Variants in LOC128462377 observed in about 807,000 individuals in gnomAD.
At chr16:89,334,172 A>AAAGAG in the LOC128462377 span, among the ~76,000 whole-genome samples, 10 of 148,974 alleles carry the variant, frequency 6.7e-5, no homozygotes, top group African/African-American at 2.5e-4. Flanking sequence ...AAAAAAAAAA[A>AAAGAG]ACAGAGAGAG....
chr16:89,404,876 ACT>A, the LOC128462377 span, among the ~76,000 whole-genome samples: 6 of 152,108 alleles, frequency 3.9e-5, no homozygotes, highest in African/African-American at 1.4e-4. Context: ...CACACTATTG[ACT>A]CTTGCTTGGT....
At chr16:89,406,384 C>G in the LOC128462377 span, among the ~76,000 whole-genome samples, 1 of 152,146 alleles carries the variant, frequency 6.6e-6, no homozygotes, top group Non-Finnish European at 1.5e-5. Context: ...CTGAGGGCGA[C>G]AAAACACCAG....
At chr16:89,377,910 T>C in the LOC128462377 span, among the ~76,000 whole-genome samples, 4 of 151,332 alleles carry the variant, frequency 2.6e-5, no homozygotes, top group African/African-American at 4.9e-5. Flanking sequence ...TTCTACTCAA[T>C]GAAATGATGA....
chr16:89,337,024 A>G, the LOC128462377 span, among the ~76,000 whole-genome samples: 27 of 145,398 alleles, frequency 1.9e-4, 1 homozygote, highest in African/African-American at 6.6e-4. Flanking sequence ...AAAAAAAAAA[A>G]AAAAAAAAAA....
chr16:89,374,104 A>G, the LOC128462377 span, among the ~76,000 whole-genome samples: 1 of 152,214 alleles, frequency 6.6e-6, no homozygotes, highest in South Asian at 2.1e-4. Context: ...AAAATGATCA[A>G]TAGTTTTACT....
the LOC128462377 span, among the ~76,000 whole-genome samples, chr16:89,319,445 G>A: frequency 2.6e-5 from 4 of 152,344 alleles, no homozygotes; most frequent in Admixed American, 6.5e-5. Context: ...CCGGGGACTC[G>A]GGAGTGTTGT....
chr16:89,334,317 C>T, the LOC128462377 span, among the ~76,000 whole-genome samples: 16 of 152,142 alleles, frequency 1.1e-4, no homozygotes, highest in East Asian at 1.9e-3. Context: ...ACTGCCAATA[C>T]GGCCAAGTTT....
chr16:89,370,051 C>T, the LOC128462377 span, among the ~76,000 whole-genome samples: 1 of 152,358 alleles, frequency 6.6e-6, no homozygotes, highest in South Asian at 2.1e-4. Context: ...AGAACGCAAA[C>T]CTTCTGGCTT....
the LOC128462377 span, among the ~76,000 whole-genome samples, chr16:89,334,162 A>AC: frequency 7.6e-4 from 108 of 142,920 alleles, 5 homozygotes; most frequent in Middle Eastern, 3.8e-3. Context: ...AAAAAAAAAA[A>AC]AAAAAAAAAA....
chr16:89,361,319 C>T, the LOC128462377 span, among the ~76,000 whole-genome samples: 2 of 152,224 alleles, frequency 1.3e-5, no homozygotes, highest in African/African-American at 4.8e-5. Flanking sequence ...AGAACCATCA[C>T]AGCGCCGGGG....
chr16:89,342,159 C>T, the LOC128462377 span, among the ~76,000 whole-genome samples: 2 of 152,246 alleles, frequency 1.3e-5, no homozygotes, highest in Admixed American at 1.3e-4. Context: ...TAGATCTTGG[C>T]GTCTGGGCCT....
chr16:89,369,127 G>A, the LOC128462377 span, among the ~76,000 whole-genome samples: 1 of 152,044 alleles, frequency 6.6e-6, no homozygotes, highest in Non-Finnish European at 1.5e-5. Context: ...ATCTACCCTA[G>A]AAAGGACCAA....
the LOC128462377 span, among the ~76,000 whole-genome samples, chr16:89,329,627 G>C: frequency 5.1e-5 from 5 of 97,414 alleles, no homozygotes; most frequent in Admixed American, 2.1e-4. Flanking sequence ...AAGGAATAAA[G>C]TAAAAAAACA....
the LOC128462377 span, among the ~76,000 whole-genome samples, chr16:89,325,465 TCTCTCACACA>T: frequency 7.2e-6 from 1 of 139,346 alleles, no homozygotes; most frequent in African/African-American, 3.0e-5. Context: ...TCTCTCTCTC[TCTCTCACACA>T]CACACACACA....
At chr16:89,333,896 T>G in the LOC128462377 span, among the ~76,000 whole-genome samples, 2 of 152,108 alleles carry the variant, frequency 1.3e-5, no homozygotes, top group African/African-American at 2.4e-5. Context: ...GCGTGTGTTG[T>G]GAACAGAGAG....
chr16:89,386,275 C>CT, the LOC128462377 span, among the ~76,000 whole-genome samples: 52 of 148,156 alleles, frequency 3.5e-4, no homozygotes, highest in African/African-American at 4.9e-4. Flanking sequence ...AAATCAGTCA[C>CT]TTTTTTTTTT....
chr16:89,402,813 G>T, the LOC128462377 span, among the ~76,000 whole-genome samples: 2 of 145,784 alleles, frequency 1.4e-5, no homozygotes, highest in Non-Finnish European at 3.0e-5. Flanking sequence ...TCTGCGGAAT[G>T]AGGTTGGGGG....
At chr16:89,334,645 G>A in the LOC128462377 span, among the ~76,000 whole-genome samples, 6 of 152,060 alleles carry the variant, frequency 3.9e-5, no homozygotes, top group African/African-American at 4.8e-5. Context: ...TCTCAGCCAC[G>A]CTCCATGAGG....
the LOC128462377 span, among the ~76,000 whole-genome samples, chr16:89,370,374 G>T: frequency 6.6e-6 from 1 of 152,230 alleles, no homozygotes; most frequent in Non-Finnish European, 1.5e-5. Context: ...CCCGGTACCT[G>T]CCCCAGCCAC....
Sources: gnomAD v4.1 joint callset for allele counts (sites outside exome capture counted in the v4.1 genomes callset) on GRCh38, gnomAD v4.1.1 for gene constraint, MANE v1.5 for transcripts.